The following RBFOX2 variants were observed in gnomAD, a reference collection of about 807,000 sequenced individuals.
The protein encoded by RBFOX2 is RNA binding protein fox-1 homolog 2.
Under a neutral mutation model 49.1 loss-of-function variants are expected in RBFOX2, and 10 were observed. The observed-to-expected ratio is 0.20, with a 90% CI of 0.13 to 0.35. The LOEUF is 0.35. Among genes scored for constraint, RBFOX2 ranks in the 10% least tolerant of loss-of-function variants. RBFOX2 has a pLI of 1.00. For synonymous variants in RBFOX2, 183 were observed against 187.4 expected, an observed-to-expected ratio of 0.98 and a Z score of 0.19; for missense variants, 323 against 486.9, an observed-to-expected ratio of 0.66 and a Z score of 3.17.
At chr22:36,015,364 C>G (rs149470200) in intron 1 of RBFOX2, among the ~76,000 whole-genome samples, 40 of 152,288 alleles carry the variant, frequency 2.6e-4, no homozygotes, top group Non-Finnish European at 4.7e-4. Context: ...TAGCATAAGA[C>G]CAGGGTCAGA....
intron 4 of RBFOX2, among the ~76,000 whole-genome samples, chr22:35,775,860 A>AAAAAAAGAAC (rs1555896239): frequency 4.7e-5 from 7 of 149,122 alleles, no homozygotes; most frequent in African/African-American, 1.8e-4. Context: ...AAAAAAAAAA[A>AAAAAAAGAAC]AGAAAAGAAA....
In RBFOX2 at chr22:35,985,914, A is replaced by G. The variant is rs796426542; in HGVS notation, c.186+42326T>C. Among the ~76,000 whole-genome samples the G allele has an allele frequency of 3.2e-3, 318 of 100,134 alleles. 2 individuals carry two copies. The highest frequency in any genetic ancestry group is 4.9e-3 in the Middle Eastern group (1 of 204). The allele number at this position is 100,134 out of a possible 152,430, so 65.7% of individuals were successfully genotyped here. A position where few individuals can be genotyped will look rare whatever the true frequency, so the allele number is the denominator to read the frequency against. On this transcript the variant is annotated intron_variant, in intron 1 of 13. Transcript: ENST00000438146. ...TAGATAGATAGATGGATAGATAGAT[A>G]GATAGATAGATAGATAGATAGATAG... is the stretch of plus-strand genomic sequence containing the variant.
intron 6 of RBFOX2, among the ~76,000 whole-genome samples, chr22:35,762,520 T>C (rs1939277812): frequency 6.7e-6 from 1 of 149,318 alleles, no homozygotes; most frequent in Non-Finnish European, 1.5e-5. Flanking sequence ...TTTTTTTTTT[T>C]TTTTGAGACA....
intron 1 of RBFOX2, among the ~76,000 whole-genome samples, chr22:35,831,412 G>A (rs1956777160): frequency 2.6e-5 from 4 of 151,994 alleles, no homozygotes; most frequent in Admixed American, 6.5e-5. Flanking sequence ...CAGCCTGGGT[G>A]ATAGTGAGAG....
intron 1 of RBFOX2, among the ~76,000 whole-genome samples, chr22:35,877,691 T>G (rs2045317199): frequency 6.6e-6 from 1 of 152,274 alleles, no homozygotes; most frequent in East Asian, 1.9e-4. Flanking sequence ...ACAGAATGCA[T>G]CAGAACCAGA....
At chr22:35,987,769 A>G (rs2150092355) in intron 1 of RBFOX2, among the ~76,000 whole-genome samples, 1 of 152,314 alleles carries the variant, frequency 6.6e-6, no homozygotes, top group South Asian at 2.1e-4. Context: ...CTAAGGGTTC[A>G]TAAGGCAAGC....
chr22:35,920,798 G>C (rs191673145), intron 1 of RBFOX2, among the ~76,000 whole-genome samples: 218 of 152,326 alleles, frequency 1.4e-3, no homozygotes, highest in Middle Eastern at 3.4e-3. Flanking sequence ...AAGTAGGCCT[G>C]AGCTGGAGGC....
chr22:35,885,521 G>C (rs1392288728), intron 1 of RBFOX2, among the ~76,000 whole-genome samples: 3 of 152,306 alleles, frequency 2.0e-5, no homozygotes, highest in Middle Eastern at 3.4e-3. Context: ...GCCAGGGACA[G>C]AAATGTAACT....
At chr22:35,919,680 T>C (rs1350451823) in intron 1 of RBFOX2, among the ~76,000 whole-genome samples, 1 of 152,242 alleles carries the variant, frequency 6.6e-6, no homozygotes, top group Non-Finnish European at 1.5e-5. Flanking sequence ...GGGTGAACTG[T>C]ACAGTATGTG....
upstream of RBFOX2, among the ~76,000 whole-genome samples, chr22:35,942,474 G>C (rs1556438968): frequency 1.3e-5 from 2 of 151,250 alleles, no homozygotes; most frequent in African/African-American, 4.9e-5. Context: ...GAAAAACTAG[G>C]AAAAAAAACC....
intron 1 of RBFOX2, among the ~76,000 whole-genome samples, chr22:35,985,902 G>GGATAGATA (rs3075246): frequency 6.2e-4 from 90 of 144,074 alleles, no homozygotes; most frequent in Non-Finnish European, 6.3e-4. Flanking sequence ...ATAGATAGAT[G>GGATAGATA]GATAGATAGA....
At chr22:35,845,535 C>G (rs148217041), upstream of RBFOX2, among the ~76,000 whole-genome samples, 14 of 152,192 alleles carry the variant, frequency 9.2e-5, no homozygotes, top group Admixed American at 9.2e-4. Flanking sequence ...TAAACTAAGA[C>G]ATCAGTGAGG....
intron 1 of RBFOX2, among the ~76,000 whole-genome samples, chr22:35,867,487 T>C (rs549297302): frequency 3.3e-5 from 5 of 152,346 alleles, no homozygotes; most frequent in African/African-American, 1.2e-4. Context: ...AATGTATTCT[T>C]TGCGTTTACT....
intron 1 of RBFOX2, among the ~76,000 whole-genome samples, chr22:35,980,896 C>T (rs1469092720): frequency 6.6e-6 from 1 of 152,122 alleles, no homozygotes; most frequent in Non-Finnish European, 1.5e-5. Flanking sequence ...TAAGGAGCAA[C>T]CTGACTTTGC....
exon 12 of RBFOX2, chr22:35,740,911 G>A (rs972135058): frequency 1.3e-5 from 2 of 152,188 alleles, no homozygotes; most frequent in Non-Finnish European, 2.9e-5. Context: ...CCCCTGAGGA[G>A]TCACACATTT....
intron 9 of RBFOX2, among the ~76,000 whole-genome samples, chr22:35,753,932 G>A (rs1159011038): frequency 1.1e-4 from 17 of 152,034 alleles, no homozygotes; most frequent in South Asian, 2.1e-4. Context: ...ACAAGCGTGT[G>A]CCACCACGCC....
At chr22:35,900,183 G>C (rs1364220911) in intron 1 of RBFOX2, among the ~76,000 whole-genome samples, 1 of 152,010 alleles carries the variant, frequency 6.6e-6, no homozygotes, top group East Asian at 1.9e-4. Context: ...GCATGATCTC[G>C]GCTCACTGCA....
intron 9 of RBFOX2, among the ~76,000 whole-genome samples, chr22:35,752,042 T>C (rs1385731063): frequency 6.6e-6 from 1 of 152,190 alleles, no homozygotes; most frequent in African/African-American, 2.4e-5. Flanking sequence ...AACTCACTGA[T>C]CTTCTTAGGT....
upstream of RBFOX2, among the ~76,000 whole-genome samples, chr22:35,963,186 C>T (rs1448262249): frequency 4.6e-5 from 7 of 151,756 alleles, no homozygotes; most frequent in Non-Finnish European, 8.8e-5. Flanking sequence ...AGTCAAGATG[C>T]CTCTAGTTAA....
Sources: gnomAD v4.1 joint callset for allele counts (sites outside exome capture counted in the v4.1 genomes callset) on GRCh38, gnomAD v4.1.1 for gene constraint, MANE v1.5 for transcripts, NCBI Gene and HGNC (gene_info 2026-07-23, HGNC 2026-07-21) for gene names.